CDC14A: variants seen among roughly 807,000 people sequenced by gnomAD.
The protein encoded by CDC14A is cell division cycle 14A.
In CDC14A, 53 loss-of-function variants were observed where a neutral mutation model predicts 74.4. That is an observed-to-expected ratio of 0.71 (90% confidence interval 0.57 to 0.89). CDC14A has a LOEUF of 0.89. CDC14A is among the 40% of genes least tolerant of loss of function. CDC14A has a pLI of 0.00. For missense variants in CDC14A, 646 were observed against 713.7 expected, an observed-to-expected ratio of 0.91 and a Z score of 1.08; for synonymous variants, 247 against 258.4, an observed-to-expected ratio of 0.96 and a Z score of 0.43.
chr1:100,349,855 C>G (rs921296779), upstream of CDC14A, among the ~76,000 whole-genome samples: 14 of 152,048 alleles, frequency 9.2e-5, no homozygotes, highest in Admixed American at 7.9e-4. Context: ...GGGTCTTTCT[C>G]TGTCGCCCAG....
At chr1:100,363,445 GTAAAT>G (rs1653082842) in intron 2 of CDC14A, among the ~76,000 whole-genome samples, 6 of 152,122 alleles carry the variant, frequency 3.9e-5, no homozygotes, top group Non-Finnish European at 7.4e-5. Flanking sequence ...AAAACATCTG[GTAAAT>G]GATCACAATT....
intron 5 of CDC14A, among the ~76,000 whole-genome samples, chr1:100,432,968 G>A (rs930648325): frequency 6.6e-6 from 1 of 152,084 alleles, no homozygotes; most frequent in East Asian, 1.9e-4. Flanking sequence ...GCTCACTGCA[G>A]TCTTGAACTC....
chr1:100,419,794 G>T (rs1034206620), intron 4 of CDC14A, among the ~76,000 whole-genome samples: 1 of 151,844 alleles, frequency 6.6e-6, no homozygotes, highest in Non-Finnish European at 1.5e-5. Context: ...CAAAGCTATC[G>T]TGCCAATGTT....
intron 6 of CDC14A, 22 bp from the exon 7 acceptor site, chr1:100,442,912 C>T (rs781750017): frequency 5.2e-6 from 8 of 1,535,190 alleles, no homozygotes; most frequent in Non-Finnish European, 7.2e-6. Flanking sequence ...CATGGAAAAA[C>T]TAATTCAAAT....
intron 15 of CDC14A, among the ~76,000 whole-genome samples, chr1:100,507,029 G>GA (rs1443880600): frequency 6.6e-6 from 1 of 152,168 alleles, no homozygotes; most frequent in Non-Finnish European, 1.5e-5. Context: ...GAAATTAAAT[G>GA]AAATGGAAAC....
chr1:100,463,267 T>C (rs1483774766), intron 9 of CDC14A, among the ~76,000 whole-genome samples: 1 of 152,186 alleles, frequency 6.6e-6, no homozygotes. Context: ...CCATCTCTTC[T>C]CCATCCTCTT....
intron 15 of CDC14A, among the ~76,000 whole-genome samples, chr1:100,501,600 C>T (rs1648738313): frequency 6.6e-6 from 1 of 152,154 alleles, no homozygotes; most frequent in African/African-American, 2.4e-5. Context: ...CTGTTACTGG[C>T]CTATGTATAT....
intron 7 of CDC14A, among the ~76,000 whole-genome samples, chr1:100,453,154 T>C (rs1666315652): frequency 6.6e-6 from 1 of 152,188 alleles, no homozygotes; most frequent in Non-Finnish European, 1.5e-5. Context: ...TATTTATCTT[T>C]TTGGGTAGGA....
intron 6 of CDC14A, among the ~76,000 whole-genome samples, chr1:100,442,156 G>GT (rs76819662): frequency 0.027 from 3,834 of 141,588 alleles, 175 homozygotes; most frequent in African/African-American, 0.092. Flanking sequence ...ATAAAAATAT[G>GT]TTTTTTTTTT....
intron 5 of CDC14A, among the ~76,000 whole-genome samples, chr1:100,425,596 T>G (rs910325057): frequency 3.3e-5 from 5 of 152,118 alleles, no homozygotes; most frequent in African/African-American, 1.2e-4. Context: ...TGTGCTTAAT[T>G]AAAGTGAAGT....
At chr1:100,359,689 G>A (rs1378069783) in intron 2 of CDC14A, among the ~76,000 whole-genome samples, 2 of 151,918 alleles carry the variant, frequency 1.3e-5, no homozygotes, top group Non-Finnish European at 2.9e-5. Flanking sequence ...TGTAGGACAC[G>A]TGAAAACGAA....
chr1:100,486,254 T>G (rs80071173), intron 11 of CDC14A, among the ~76,000 whole-genome samples: 2,347 of 152,286 alleles, frequency 0.015, 55 homozygotes, highest in African/African-American at 0.051. Flanking sequence ...CTTGATTAAG[T>G]TAACATCTGG....
At chr1:100,446,052 G>A (rs1282917844) in intron 7 of CDC14A, among the ~76,000 whole-genome samples, 1 of 152,162 alleles carries the variant, frequency 6.6e-6, no homozygotes, top group Non-Finnish European at 1.5e-5. Context: ...GTTCTAGTGA[G>A]TATGATATTT....
In CDC14A at chr1:100,520,174, A is replaced by C. The variant is rs1452497208; in HGVS notation, c.*1894A>C. 1 of 152,600 alleles carries C rather than the reference A, an allele frequency of 6.6e-6. No homozygotes were observed. Among genetic ancestry groups the C allele is most frequent in the Non-Finnish European group, 1.5e-5 (1 of 67,974 alleles). The allele number at this position is 152,600 out of a possible 1,614,324, so 9.5% of individuals were successfully genotyped here. On this transcript the variant is annotated 3_prime_UTR_variant, in exon 16 of 16. Transcript: ENST00000336454. ...ACTCTGATAATAAAAATTGTTTGAC[A>C]TGTATTTTGTTATGAATAGTTTATC...
chr1:100,483,396 T>C (rs1669692848), intron 10 of CDC14A, among the ~76,000 whole-genome samples: 1 of 152,210 alleles, frequency 6.6e-6, no homozygotes, highest in Admixed American at 6.5e-5. Context: ...AAAGTATTAC[T>C]CAATCCTGTT....
At chr1:100,361,978 G>C (rs190126473) in intron 2 of CDC14A, among the ~76,000 whole-genome samples, 4 of 152,274 alleles carry the variant, frequency 2.6e-5, no homozygotes, top group Non-Finnish European at 5.9e-5. Context: ...GATGCGGGTA[G>C]GGAGGAGGAA....
intron 9 of CDC14A, among the ~76,000 whole-genome samples, chr1:100,464,911 C>A (rs1417357903): frequency 6.7e-6 from 1 of 148,252 alleles, no homozygotes; most frequent in African/African-American, 2.5e-5. Flanking sequence ...TTGCAAATTT[C>A]TTTTCTTTTC....
At chr1:100,406,285 T>C (rs1042435446) in intron 4 of CDC14A, among the ~76,000 whole-genome samples, 3 of 152,238 alleles carry the variant, frequency 2.0e-5, no homozygotes, top group Non-Finnish European at 4.4e-5. Flanking sequence ...ATTAGACCTT[T>C]GTCAGATAGA....
chr1:100,469,096 AT>A (rs1187633788), intron 10 of CDC14A, among the ~76,000 whole-genome samples: 7 of 151,974 alleles, frequency 4.6e-5, no homozygotes, highest in African/African-American at 1.5e-4. Context: ...TTTCCATATA[AT>A]TATTTATTTC....
Sources: allele counts gnomAD v4.1 joint callset (sites outside exome capture counted in the v4.1 genomes callset), GRCh38; gene constraint gnomAD v4.1.1; transcripts MANE v1.5; gene names NCBI Gene and HGNC (gene_info 2026-07-23, HGNC 2026-07-21).